Variants in TBC1D32 observed in about 807,000 individuals in gnomAD.
TBC1D32 encodes the protein protein broad-minded.
A neutral mutation model predicts 170.3 loss-of-function variants in TBC1D32; 151 were observed. The ratio of observed to expected loss-of-function variants is 0.89; its 90% confidence interval spans 0.78 to 1.01. TBC1D32 has a LOEUF of 1.01. Among genes scored for constraint, TBC1D32 ranks in the 50% least tolerant of loss-of-function variants. The probability of loss-of-function intolerance (pLI) is 0.00; values close to 1 mark genes in which losing one functional copy is unlikely to be tolerated. For synonymous variants in TBC1D32, 498 were observed against 488.0 expected, an observed-to-expected ratio of 1.02 and a Z score of -0.27; for missense variants, 1,464 against 1,457.1, an observed-to-expected ratio of 1.00 and a Z score of -0.08.
chr6:121,135,538 G>A (rs971527966), intron 24 of TBC1D32, among the ~76,000 whole-genome samples: 1 of 152,120 alleles, frequency 6.6e-6, no homozygotes. Flanking sequence ...AGGTTTTGCT[G>A]AATTAAGGAG....
intron 24 of TBC1D32, among the ~76,000 whole-genome samples, chr6:121,137,393 G>C (rs964500688): frequency 2.0e-5 from 3 of 150,100 alleles, no homozygotes; most frequent in Non-Finnish European, 4.4e-5. Context: ...TATCTAATGA[G>C]TAAGGTAGAG....
intron 25 of TBC1D32, among the ~76,000 whole-genome samples, chr6:121,128,922 T>C (rs534335127): frequency 6.6e-6 from 1 of 152,164 alleles, no homozygotes; most frequent in Admixed American, 6.6e-5. Flanking sequence ...ATGAGGGCTC[T>C]GTCCTCATGA....
chr6:121,256,544 A>G (rs75369624), intron 15 of TBC1D32, among the ~76,000 whole-genome samples: 4,999 of 152,316 alleles, frequency 0.033, 194 homozygotes, highest in East Asian at 0.12. Flanking sequence ...TTGAGACCAC[A>G]GCCATGTAGA....
At chr6:121,268,894 T>G (rs1473329496) in intron 15 of TBC1D32, among the ~76,000 whole-genome samples, 2 of 152,120 alleles carry the variant, frequency 1.3e-5, no homozygotes, top group African/African-American at 4.8e-5. Flanking sequence ...GAGAAGCCCA[T>G]CAGACTAACA....
intron 12 of TBC1D32, among the ~76,000 whole-genome samples, chr6:121,285,628 T>C (rs1803687156): frequency 1.3e-5 from 2 of 152,072 alleles, no homozygotes; most frequent in South Asian, 2.1e-4. Flanking sequence ...CAACTGAGCC[T>C]TGAAGAGAGT....
Position 121,131,700 on chromosome 6 carries a change from A to G in TBC1D32, c.2826T>C (p.Thr942=). Reference sequence around the variant, plus strand: ...GTCTTTGGCAGTTTTCTATCCATTCAGTTTGTTTATCAGATATTTTGAGGC... The same window carrying G: ...GTCTTTGGCAGTTTTCTATCCATTCGGTTTGTTTATCAGATATTTTGAGGC... ...LLCLKISDKQ[T]EWIENCQRQF... is the part of the protein sequence containing the mutation. The change falls in exon 25 of 32, where the codon ACT becomes ACC. Residue 942 remains threonine (T), a synonymous_variant. Coordinates refer to ENST00000398212, the MANE Select transcript of TBC1D32 (RefSeq NM_152730.6). 6.2e-7 allele frequency: 1 copy of G among 1,610,048 alleles called. No individual in the cohort carries two copies. Among genetic ancestry groups the G allele is most frequent in the Non-Finnish European group, 8.5e-7 (1 of 1,177,638 alleles).
intron 15 of TBC1D32, among the ~76,000 whole-genome samples, chr6:121,276,680 C>T (rs183526575): frequency 1.5e-3 from 232 of 151,904 alleles, no homozygotes; most frequent in Middle Eastern, 6.8e-3. Flanking sequence ...AACATAAAGA[C>T]GAAGATAAAT....
At chr6:121,257,716 AC>A (rs1319543808) in intron 15 of TBC1D32, among the ~76,000 whole-genome samples, 10 of 152,078 alleles carry the variant, frequency 6.6e-5, no homozygotes, top group African/African-American at 2.4e-4. Flanking sequence ...GCCTTTTCAA[AC>A]CCATGTTTTT....
chr6:121,305,849 T>C (rs1330869093), intron 5 of TBC1D32, among the ~76,000 whole-genome samples: 1 of 152,114 alleles, frequency 6.6e-6, no homozygotes, highest in Admixed American at 6.5e-5. Flanking sequence ...TGCCTTGTTT[T>C]CTACTTCAAA....
At chr6:121,162,515 C>G (rs1024186381) in intron 22 of TBC1D32, among the ~76,000 whole-genome samples, 4 of 152,156 alleles carry the variant, frequency 2.6e-5, no homozygotes, top group African/African-American at 9.7e-5. Context: ...GCTTCTCTCA[C>G]CACTCCTATT....
chr6:121,249,823 G>T (rs1798067166), intron 17 of TBC1D32, among the ~76,000 whole-genome samples: 7 of 151,964 alleles, frequency 4.6e-5, no homozygotes, highest in Admixed American at 4.6e-4. Context: ...ACTGTTGAAA[G>T]ATATCACAGA....
chr6:121,231,831 T>C (rs1323758288), intron 20 of TBC1D32, among the ~76,000 whole-genome samples: 1 of 152,230 alleles, frequency 6.6e-6, no homozygotes, highest in African/African-American at 2.4e-5. Flanking sequence ...TTTTGTCAGA[T>C]GTATAGATTG....
chr6:121,313,807 A>G (rs1209977061), intron 3 of TBC1D32, among the ~76,000 whole-genome samples: 1 of 152,110 alleles, frequency 6.6e-6, no homozygotes, highest in Non-Finnish European at 1.5e-5. Context: ...AAAAAGAGAT[A>G]AGTGTCTTGC....
rs749872724 is a variant in TBC1D32 at position 121,308,073 on chromosome 6, CATA to C, written c.590_592del (p.Leu197del). The C allele has an allele frequency of 3.1e-6, 5 of 1,613,538 alleles. No individual in the cohort carries two copies. In the East Asian group the frequency reaches 1.1e-4, roughly 36 times the overall value. On this transcript the variant is annotated inframe_deletion, in exon 5 of 32. Transcript: ENST00000398212. ...GAGGACATCAGATGGAGGAGCTGAA[CATA>C]ATGTTTGCAAGGCTTCATATCTCAC...
At chr6:121,145,487 A>C (rs947881590) in intron 24 of TBC1D32, among the ~76,000 whole-genome samples, 1 of 152,184 alleles carries the variant, frequency 6.6e-6, no homozygotes, top group Non-Finnish European at 1.5e-5. Flanking sequence ...AGATGGTCCA[A>C]TGATACAAAA....
chr6:121,219,274 A>T (rs557052667), intron 21 of TBC1D32, among the ~76,000 whole-genome samples: 1 of 152,204 alleles, frequency 6.6e-6, no homozygotes, highest in South Asian at 2.1e-4. Flanking sequence ...TGTTTGTTTT[A>T]AAAGGAACTC....
At chr6:121,261,979 T>C (rs1799826183) in intron 15 of TBC1D32, among the ~76,000 whole-genome samples, 1 of 152,170 alleles carries the variant, frequency 6.6e-6, no homozygotes, top group East Asian at 1.9e-4. Context: ...ACGAAAACTC[T>C]GTGAATCATA....
Position 121,256,199 on chromosome 6 carries a change from G to A in TBC1D32, c.1820C>T (p.Pro607Leu), listed in dbSNP as rs1226747824. ...AGAAATAAAAGCTCCTTTAACCACA[G>A]GCAACATTTCTGATCCAGAAAATAT... ...ISIFSGSEML[P>L]VVKGAFISVC... Residue 607 changes from proline to leucine, a missense_variant, in exon 16 of 32, where the codon CCT becomes CTT. Pro to Leu is a moderately conservative substitution (Grantham distance 98). Around this residue, in one of 3 missense-constraint regions of TBC1D32, gnomAD observed 1,363 missense variants for 1,338.1 expected, o/e 1.02. Transcript: ENST00000398212. The A allele has an allele frequency of 6.2e-7, 1 of 1,613,894 alleles. No individual in the cohort carries two copies.
chr6:121,224,982 A>G (rs1039030354), intron 20 of TBC1D32, among the ~76,000 whole-genome samples: 1 of 152,144 alleles, frequency 6.6e-6, no homozygotes, highest in Non-Finnish European at 1.5e-5. Flanking sequence ...GAAGTTATAA[A>G]AAATAACTGA....
Sources: gnomAD v4.1 joint callset for allele counts (sites outside exome capture counted in the v4.1 genomes callset) on GRCh38, gnomAD v4.1.1 for gene constraint, gnomAD v4.1.1 regional missense constraint, MANE v1.5 for transcripts, NCBI Gene and HGNC (gene_info 2026-07-23, HGNC 2026-07-21) for gene names.